Variants in KIF7 observed in about 807,000 individuals in gnomAD.
The protein encoded by KIF7 is kinesin-like protein KIF7.
Under a neutral mutation model 135.7 loss-of-function variants are expected in KIF7, and 104 were observed. The observed-to-expected ratio is 0.77, with a 90% CI of 0.65 to 0.90. The LOEUF (loss-of-function observed/expected upper bound fraction) is 0.90. KIF7 is among the 40% of genes least tolerant of loss of function. The pLI is 0.00. For synonymous variants in KIF7, 883 were observed against 809.4 expected, an observed-to-expected ratio of 1.09 and a Z score of -1.54; for missense variants, 2,005 against 1,839.1, an observed-to-expected ratio of 1.09 and a Z score of -1.65.
Position 89,633,820 on chromosome 15 carries a change from G to T in KIF7, c.2458C>A (p.Arg820=), listed in dbSNP as rs150595682. 10 of 1,612,910 alleles carry T rather than the reference G, an allele frequency of 6.2e-6. No individual in the cohort carries two copies. The highest frequency in any genetic ancestry group is 1.7e-5 in the Admixed American group (1 of 60,006). ...ACGTTCCGCTCGAGCTCCTGCAGTCGCTTCTCACTCTGGGCCGACAGTGAC... is the reference window on the plus strand; with the variant it reads ...ACGTTCCGCTCGAGCTCCTGCAGTCTCTTCTCACTCTGGGCCGACAGTGAC... ...LVSLSAQSEK[R]LQELERNVQL... is the part of the protein sequence containing the mutation. The change falls in exon 12 of 19, where the codon CGA becomes AGA. Residue 820 remains arginine (R), a synonymous_variant. Transcript: ENST00000394412.
Position 89,631,595 on chromosome 15 carries a change from C to A in KIF7, c.3011G>T (p.Arg1004Leu). ...CTGGCGCAGGCTGTCGATCTCCCCG[C>A]GGATCTGCTGCTGGCTCTGGGCGCT... is the stretch of plus-strand genomic sequence containing the variant. Reference protein sequence around the residue: ...QGSAQSQQQIRGEIDSLRQEK... With the variant: ...QGSAQSQQQILGEIDSLRQEK... Residue 1004 changes from arginine (R) to leucine (L), a missense_variant, in exon 15 of 19, where the codon CGC becomes CTC. Transcript: ENST00000394412. 6.4e-7 allele frequency: 1 copy of A among 1,562,956 alleles called. No individual in the cohort carries two copies. The highest frequency in any genetic ancestry group is 8.7e-7 in the Non-Finnish European group (1 of 1,152,720).
rs1299617050 is a variant in KIF7, at chr15:89,649,725, C to A, written c.529+16G>T. 2 of 1,550,802 alleles carry A rather than the reference C, an allele frequency of 1.3e-6. No individual in the cohort carries two copies. Among genetic ancestry groups the A allele is most frequent in the Non-Finnish European group, 1.7e-6 (2 of 1,146,336 alleles). On this transcript the variant is annotated intron_variant, in intron 3 of 18. Coordinates refer to ENST00000394412, the MANE Select transcript of KIF7 (RefSeq NM_198525.3). The stretch of plus-strand genomic sequence containing the variant: ...TAAGCCCCTCTCCGTCAGTGGAGGA[C>A]CCCAGAGTTCCTCACCAACATTCCC...
At chr15:89,624,022 A>G (rs375302769), downstream of KIF7, 7 of 1,613,916 alleles carry the variant, frequency 4.3e-6, no homozygotes, top group African/African-American at 6.7e-5. Context: ...CCAGCCCAGG[A>G]GAGAGTGTCT....
intron 11 of KIF7, among the ~76,000 whole-genome samples, chr15:89,641,886 A>G (rs1963926597): frequency 6.6e-6 from 1 of 152,124 alleles, no homozygotes; most frequent in Admixed American, 6.5e-5. Flanking sequence ...TGGAGGGGTA[A>G]GCGAATGGAG....
chr15:89,631,455 C>G (rs1963673602), intron 15 of KIF7, 40 bp downstream of exon 15: 2 of 1,510,614 alleles, frequency 1.3e-6, no homozygotes, highest in African/African-American at 2.8e-5. Context: ...GACAGGCATA[C>G]AATGGCACCA....
rs747733266 is a variant in KIF7, at chr15:89,628,472, CCCG to C, written c.3976_3978del (p.Arg1326del). 6.2e-7 allele frequency: 1 copy of C among 1,610,432 alleles called. No individual in the cohort carries two copies. The highest frequency in any genetic ancestry group is 2.2e-5 in the East Asian group (1 of 44,824). Reference sequence around the variant, plus strand: ...ATCCCCGGGCTGGCTCGTCGCAGTTCCCGCCGGGGCTTGGACAAAGGCCCAAAG... The same window carrying C: ...ATCCCCGGGCTGGCTCGTCGCAGTTCCCGGGGCTTGGACAAAGGCCCAAAG... On this transcript the variant is annotated inframe_deletion, in exon 19 of 19. Coordinates refer to ENST00000394412, the MANE Select transcript of KIF7 (RefSeq NM_198525.3).
At chr15:89,625,946 A>C (rs755473942), downstream of KIF7, 1 of 1,575,224 alleles carries the variant, frequency 6.3e-7, no homozygotes, top group Non-Finnish European at 8.6e-7. Context: ...GCTCCACCCC[A>C]CCTCCCAGCT....
downstream of KIF7, chr15:89,623,990 C>G (rs1275010940): frequency 6.2e-7 from 1 of 1,613,966 alleles, no homozygotes; most frequent in Admixed American, 1.7e-5. Context: ...TCCTGTCCAG[C>G]CCCTCCAACT....
chr15:89,659,500 AGAAG>A (rs1286399104), upstream of KIF7, among the ~76,000 whole-genome samples: 5 of 151,434 alleles, frequency 3.3e-5, no homozygotes, highest in South Asian at 4.2e-4. Context: ...AAGGAAGGAA[AGAAG>A]GAAGGAAGGA....
intron 14 of KIF7, among the ~76,000 whole-genome samples, chr15:89,632,028 C>G (rs1278760093): frequency 6.6e-6 from 1 of 152,190 alleles, no homozygotes; most frequent in Non-Finnish European, 1.5e-5. Context: ...CCGGACTGGA[C>G]AGTGATAGGA....
rs777131156 is a variant in KIF7 at position 89,646,872 on chromosome 15, G to C, written c.1746C>G (p.Ala582=). The C allele has an allele frequency of 5.0e-6, 8 of 1,613,998 alleles. No homozygotes were observed. Among genetic ancestry groups the C allele is most frequent in the Middle Eastern group, 3.3e-4 (2 of 6,058 alleles). The part of the protein sequence containing the change: ...HAHVLGMVPP[A]CLPGDEVGSE... ...AGCCAACTTCATCTCCAGGGAGGCA[G>C]GCAGGCGGCACCATGCCCAGCACAT... Residue 582 remains alanine, a synonymous_variant, in exon 7 of 19, where the codon GCC becomes GCG. Transcript: ENST00000394412.
In KIF7 at chr15:89,648,614, C is replaced by T; in HGVS notation, c.1084G>A (p.Glu362Lys). 6.5e-7 allele frequency: 1 copy of T among 1,533,492 alleles called. No individual in the cohort carries two copies. Among genetic ancestry groups the T allele is most frequent in the Non-Finnish European group, 8.7e-7 (1 of 1,145,088 alleles). 95.0% of individuals were successfully genotyped at this position (1,533,492 alleles called of 1,614,324 possible). The change falls in exon 5 of 19, where the codon GAG becomes AAG. Residue 362 changes from glutamate to lysine, a missense_variant. By Grantham distance (56) the Glu-to-Lys change is moderately conservative. Coordinates refer to ENST00000394412, the MANE Select transcript of KIF7 (RefSeq NM_198525.3). Reference protein sequence around the residue: ...RATVNWRPEAERPPEETASGA... With the variant: ...RATVNWRPEAKRPPEETASGA... ...CTCGCCGTCTCTTCGGGTGGCCGCTCGGCCTCGGGCCGCCAGTTGACCGTG... is the reference window on the plus strand; with the variant it reads ...CTCGCCGTCTCTTCGGGTGGCCGCTTGGCCTCGGGCCGCCAGTTGACCGTG...
chr15:89,632,314 A>G (rs1963697229), intron 14 of KIF7, among the ~76,000 whole-genome samples: 1 of 152,168 alleles, frequency 6.6e-6, no homozygotes, highest in South Asian at 2.1e-4. Flanking sequence ...ACAGAAGACA[A>G]CGCTGTGGCT....
In KIF7 at chr15:89,648,779, G is replaced by A. The variant is rs780205640; in HGVS notation, c.924-5C>T. ...CCCAGCGAGTCTTTGAGGATCCTGA[G>A]GGCGCGAGGGGGAGGCTCTCAGGGG... is the stretch of plus-strand genomic sequence containing the variant. On this transcript the variant is annotated splice_region_variant and splice_polypyrimidine_tract_variant and intron_variant, in intron 4 of 18. Transcript: ENST00000394412. 6.8e-5 allele frequency: 104 copies of A among 1,529,886 alleles called. No homozygotes were observed. Among genetic ancestry groups the A allele is most frequent in the African/African-American group, 9.6e-5 (7 of 72,874 alleles). 94.8% of individuals were successfully genotyped at this position (1,529,886 alleles called of 1,614,324 possible).
downstream of KIF7, chr15:89,626,140 C>G: frequency 6.4e-7 from 1 of 1,551,412 alleles, no homozygotes; most frequent in Non-Finnish European, 8.7e-7. Context: ...CAGCTCGATT[C>G]TAGAGGAGCC....
At chr15:89,628,939 G>A in intron 18 of KIF7, 37 bp downstream of exon 18, 2 of 1,613,882 alleles carry the variant, frequency 1.2e-6, no homozygotes, top group Non-Finnish European at 1.7e-6. Context: ...CCAAAGAAAG[G>A]GAACAGGTCT....
intron 9 of KIF7, 38 bp downstream of exon 9, chr15:89,645,298 G>T (rs374144612): frequency 2.5e-6 from 4 of 1,601,076 alleles, no homozygotes; most frequent in African/African-American, 1.3e-5. Context: ...TGGAGGGGCA[G>T]TGGGGAGGAG....
intron 2 of KIF7, among the ~76,000 whole-genome samples, chr15:89,617,689 CTTTT>C (rs35732953): frequency 1.0e-5 from 1 of 98,768 alleles, no homozygotes; most frequent in African/African-American, 3.8e-5. Context: ...ACCCAGCTAT[CTTTT>C]TTTTTTTTTT....
Position 89,633,545 on chromosome 15 carries a change from A to G in KIF7, c.2592+141T>C. The G allele has an allele frequency of 3.1e-6, 3 of 975,548 alleles. 1 individual carries two copies. In the South Asian group the frequency reaches 4.4e-5, roughly 14 times the overall value. 60.4% of individuals were successfully genotyped at this position (975,548 alleles called of 1,614,324 possible). ...TATAACATTCCACATTTTCAGATGA[A>G]AAAACAGACTCAGGCTAAGTGACCT... On this transcript the variant is annotated intron_variant, in intron 12 of 18. Transcript: ENST00000394412.
Sources: gnomAD v4.1 joint callset for allele counts (sites outside exome capture counted in the v4.1 genomes callset) on GRCh38, gnomAD v4.1.1 for gene constraint, MANE v1.5 for transcripts, NCBI Gene and HGNC (gene_info 2026-07-23, HGNC 2026-07-21) for gene names.